IRX2: variants seen among roughly 807,000 people sequenced by gnomAD.
IRX2 encodes iroquois-class homeodomain protein IRX-2.
IRX2 carries 26 observed loss-of-function variants against 42.9 expected under a neutral mutation model. That is an observed-to-expected ratio of 0.61 (90% CI 0.44 to 0.84). The LOEUF is 0.84. Among genes scored for constraint, IRX2 ranks in the 40% least tolerant of loss-of-function variants. The pLI, the probability that IRX2 is intolerant of heterozygous loss-of-function variation, is 0.00. For synonymous variants in IRX2, 424 were observed against 353.9 expected, an observed-to-expected ratio of 1.20 and a Z score of -2.22; for missense variants, 782 against 713.9, an observed-to-expected ratio of 1.10 and a Z score of -1.09.
chr5:2,737,405 T>C, the IRX2 span: 1 of 152,224 alleles, frequency 6.6e-6, no homozygotes, highest in South Asian at 2.1e-4. Context: ...AGGCAGACCC[T>C]GGACATGTTT....
the IRX2 span, among the ~76,000 whole-genome samples, chr5:2,740,180 T>TGG: frequency 4.8e-5 from 6 of 124,316 alleles, no homozygotes; most frequent in South Asian, 2.7e-4. Flanking sequence ...AGTCGTGGCG[T>TGG]GCGGGGGCGG....
Position 2,748,738 on chromosome 5 carries a change from C to CG in IRX2, c.969dup (p.Ala324ArgfsTer188). ...AGCGACCACAGCTTGGGCTTGCTGG[C>CG]GGGGGGCGGCGCGCCCGGAGACGTC... On this transcript the variant is annotated frameshift_variant, in exon 3 of 4. Coordinates refer to ENST00000302057, the MANE Select transcript of IRX2 (RefSeq NM_033267.5). LOFTEE classifies it high-confidence loss of function. The CG allele has an allele frequency of 5.1e-6, 7 of 1,367,298 alleles. No individual in the cohort carries two copies. The highest frequency in any genetic ancestry group is 3.4e-5 in the Admixed American group (1 of 29,078). The allele number at this position is 1,367,298 out of a possible 1,614,324, so 84.7% of individuals were successfully genotyped here.
In IRX2 at chr5:2,749,904, G is replaced by C; in HGVS notation, c.250-117C>G. On this transcript the variant is annotated intron_variant, in intron 1 of 3. Transcript: ENST00000302057. Reference sequence around the variant, plus strand: ...CGTTCCCCCCGTGAGTCTGGCTCTGGGGCTGCGCTTCCCGCCGCAAAAGAG... The same window carrying C: ...CGTTCCCCCCGTGAGTCTGGCTCTGCGGCTGCGCTTCCCGCCGCAAAAGAG... 2.8e-6 allele frequency: 3 copies of C among 1,086,746 alleles called. 1 individual carries two copies. The highest frequency in any genetic ancestry group is 6.2e-4 in the Middle Eastern group (2 of 3,248). The allele number at this position is 1,086,746 out of a possible 1,614,324, so 67.3% of individuals were successfully genotyped here. A position where few individuals can be genotyped will look rare whatever the true frequency, so the allele number is the denominator to read the frequency against.
chr5:2,748,850 C>A lies in IRX2; in HGVS notation c.858G>T (p.Ser286=), dbSNP rs370484590. The A allele has an allele frequency of 5.6e-4, 880 of 1,579,512 alleles. No individual in the cohort carries two copies. The highest frequency in any genetic ancestry group is 7.0e-4 in the Non-Finnish European group (825 of 1,172,552). ...GLAPPKPVTS[S]PLTGLEAPLL... is the part of the protein sequence containing the mutation. ...GCGGCGCCTCCAAGCCGGTAAGCGG[C>A]GACGAGGTCACGGGCTTGGGCGGCG... Residue 286 remains serine, a synonymous_variant, in exon 3 of 4, where the codon TCG becomes TCT. Coordinates refer to ENST00000302057, the MANE Select transcript of IRX2 (RefSeq NM_033267.5).
rs1737659978 is a variant in IRX2, at chr5:2,746,171, T to G, written c.*1393A>C. ...ATAAGCCCCAAACATCATATTATTG[T>G]AGACTAGTCTGTTTTTATTTACAAT... On this transcript the variant is annotated 3_prime_UTR_variant, in exon 4 of 4. Transcript: ENST00000302057. 1 of 152,194 alleles carries G rather than the reference T, an allele frequency of 6.6e-6. No individual in the cohort carries two copies. 9.4% of individuals were successfully genotyped at this position (152,194 alleles called of 1,614,324 possible). A position where few individuals can be genotyped will look rare whatever the true frequency, so the allele number is the denominator to read the frequency against.
chr5:2,751,234 G>C lies in IRX2; in HGVS notation c.180C>G (p.Thr60=). 7.3e-7 allele frequency: 1 copy of C among 1,372,846 alleles called. No individual in the cohort carries two copies. Among genetic ancestry groups the C allele is most frequent in the Non-Finnish European group, 9.4e-7 (1 of 1,063,036 alleles). The allele number at this position is 1,372,846 out of a possible 1,614,324, so 85.0% of individuals were successfully genotyped here. A position where few individuals can be genotyped will look rare whatever the true frequency, so the allele number is the denominator to read the frequency against. ...GSAAFTAQAA[T]GFGSPLQYSA... Reference sequence around the variant, plus strand: ...AGTACTGCAGCGGGCTCCCGAAGCCGGTGGCCGCCTGCGCCGTGAAGGCCG... The same window carrying C: ...AGTACTGCAGCGGGCTCCCGAAGCCCGTGGCCGCCTGCGCCGTGAAGGCCG... Residue 60 remains threonine, a synonymous_variant, in exon 1 of 4, where the codon ACC becomes ACG. Coordinates refer to ENST00000302057, the MANE Select transcript of IRX2 (RefSeq NM_033267.5). This position sits in a 1 kb window ranked among gnomAD's most constrained non-coding sequence, Gnocchi z 4.0.
At chr5:2,742,789 A>G (rs1423077225), downstream of IRX2, among the ~76,000 whole-genome samples, 1 of 152,168 alleles carries the variant, frequency 6.6e-6, no homozygotes, top group Non-Finnish European at 1.5e-5. Context: ...GTGGACCACA[A>G]ATTTGTTTGG....
chr5:2,751,494 G>A lies in IRX2; in HGVS notation c.-81C>T, dbSNP rs1737986816. ...CGCCCTCCATCCACGCCCGGCCGGGGCGCGGCGCGGCGGCGGGCACCCGGA... is the reference window on the plus strand; with the variant it reads ...CGCCCTCCATCCACGCCCGGCCGGGACGCGGCGCGGCGGCGGGCACCCGGA... On this transcript the variant is annotated 5_prime_UTR_variant, in exon 1 of 4. Coordinates refer to ENST00000302057, the MANE Select transcript of IRX2 (RefSeq NM_033267.5). This position sits in a 1 kb window ranked among gnomAD's most constrained non-coding sequence, Gnocchi z 4.0. 1.1e-6 allele frequency: 1 copy of A among 936,184 alleles called. No homozygotes were observed. Among genetic ancestry groups the A allele is most frequent in the Non-Finnish European group, 1.3e-6 (1 of 788,036 alleles). The allele number at this position is 936,184 out of a possible 1,614,324, so 58.0% of individuals were successfully genotyped here. A position where few individuals can be genotyped will look rare whatever the true frequency, so the allele number is the denominator to read the frequency against.
At position 2,748,665 on chromosome 5, in the gene IRX2, C is replaced by T; in HGVS notation, c.1043G>A (p.Gly348Asp). The change falls in exon 3 of 4, where the codon GGC becomes GAC. Residue 348 changes from glycine (G) to aspartate (D), a missense_variant. By Grantham distance (94) the Gly-to-Asp change is moderately conservative (BLOSUM62 -1). Around this residue, in one of 3 missense-constraint regions of IRX2, gnomAD observed 520 missense variants for 437.8 expected, o/e 1.19. Transcript: ENST00000302057. The part of the protein sequence containing the change: ...SDLKQPSLGP[G>D]CGPPGLPAAA... ...CGCGGGCAGCCCCGGTGGCCCGCAG[C>T]CCGGGCCCAGGCTCGGCTGCTTGAG... 2 of 1,385,038 alleles carry T rather than the reference C, an allele frequency of 1.4e-6. No homozygotes were observed. Among genetic ancestry groups the T allele is most frequent in the Non-Finnish European group, 1.9e-6 (2 of 1,071,272 alleles). The allele number at this position is 1,385,038 out of a possible 1,614,324, so 85.8% of individuals were successfully genotyped here.
chr5:2,748,709 G>C lies in IRX2; in HGVS notation c.999C>G (p.Ala333=), dbSNP rs1228543271. ...GCTTGAGGTCCGACGTGGCGATCTCGGCCAGCGACCACAGCTTGGGCTTGC... is the reference window on the plus strand; with the variant it reads ...GCTTGAGGTCCGACGTGGCGATCTCCGCCAGCGACCACAGCTTGGGCTTGC... ...PASKPKLWSL[A]EIATSDLKQP... Residue 333 remains alanine, a synonymous_variant, in exon 3 of 4, where the codon GCC becomes GCG. Coordinates refer to ENST00000302057, the MANE Select transcript of IRX2 (RefSeq NM_033267.5). 5.0e-6 allele frequency: 7 copies of C among 1,400,278 alleles called. No individual in the cohort carries two copies. Among genetic ancestry groups the C allele is most frequent in the Non-Finnish European group, 6.5e-6 (7 of 1,078,322 alleles). The allele number at this position is 1,400,278 out of a possible 1,614,324, so 86.7% of individuals were successfully genotyped here.
the IRX2 span, among the ~76,000 whole-genome samples, chr5:2,740,185 GGGC>G: frequency 1.7e-4 from 26 of 151,860 alleles, no homozygotes; most frequent in African/African-American, 5.6e-4. Context: ...TGGCGTGCGG[GGGC>G]GGGGGTCCTG....
chr5:2,748,934 G>C lies in IRX2; in HGVS notation c.774C>G (p.Asp258Glu). The change falls in exon 3 of 4, where the codon GAC becomes GAG. Residue 258 changes from aspartate (D) to glutamate (E), a missense_variant. By Grantham distance (45) the Asp-to-Glu change is conservative. Transcript: ENST00000302057. Reference protein sequence around the residue: ...PLCESGSECKDKYDDLEDDED... With the variant: ...PLCESGSECKEKYDDLEDDED... ...CGTCGTCCTCCAGGTCGTCATACTT[G>C]TCCTTGCACTCCGAGCCCGATTCGC... is the stretch of plus-strand genomic sequence containing the variant. 1 of 1,597,020 alleles carries C rather than the reference G, an allele frequency of 6.3e-7. No homozygotes were observed. The highest frequency in any genetic ancestry group is 8.5e-7 in the Non-Finnish European group (1 of 1,179,450).
the IRX2 span, among the ~76,000 whole-genome samples, chr5:2,738,323 C>A: frequency 6.6e-6 from 1 of 152,298 alleles, no homozygotes; most frequent in East Asian, 1.9e-4. Flanking sequence ...ATATCTGGGC[C>A]CATTATCATG....
In IRX2 at chr5:2,748,967, G is replaced by A. The variant is rs755699990; in HGVS notation, c.741C>T (p.Asp247=). ...DGEKLPCRAG[D]PLCESGSECK... is the part of the protein sequence containing the mutation. Reference sequence around the variant, plus strand: ...ACTCCGAGCCCGATTCGCACAGGGGGTCCCCGGCGCGGCACGGAAGCTTCT... The same window carrying A: ...ACTCCGAGCCCGATTCGCACAGGGGATCCCCGGCGCGGCACGGAAGCTTCT... The change falls in exon 3 of 4, where the codon GAC becomes GAT. Residue 247 remains aspartate (D), a synonymous_variant. Transcript: ENST00000302057. 1.9e-5 allele frequency: 30 copies of A among 1,597,368 alleles called. No homozygotes were observed. The highest frequency in any genetic ancestry group is 3.3e-5 in the Admixed American group (2 of 59,964).
rs1226054860 is a variant in IRX2, at chr5:2,749,699, T to C, written c.338A>G (p.Asn113Ser). ...GGCGTTCTTGCGGTACGCGGGGTCG[T>C]TGAGCTGGTACGGGTAGGCCGCGCT... ...YGSAAYPYQL[N>S]DPAYRKNATR... The change falls in exon 2 of 4, where the codon AAC becomes AGC. Residue 113 changes from asparagine (N) to serine (S), a missense_variant. Physicochemically the swap from Asn to Ser is conservative, Grantham distance 46 (BLOSUM62 1). Coordinates refer to ENST00000302057, the MANE Select transcript of IRX2 (RefSeq NM_033267.5). 5 of 1,614,122 alleles carry C rather than the reference T, an allele frequency of 3.1e-6. No homozygotes were observed. The highest frequency in any genetic ancestry group is 4.2e-6 in the Non-Finnish European group (5 of 1,180,010).
chr5:2,742,107 G>A (rs75127047), downstream of IRX2, among the ~76,000 whole-genome samples: 535 of 152,286 alleles, frequency 3.5e-3, 3 homozygotes, highest in African/African-American at 0.012. Context: ...CAGAGGTGCC[G>A]GTTGAGGCCA....
chr5:2,743,113 C>A (rs1737578005), downstream of IRX2, among the ~76,000 whole-genome samples: 2 of 152,184 alleles, frequency 1.3e-5, no homozygotes. Flanking sequence ...AGAATGAGAT[C>A]CGCGGCGGCC....
At position 2,748,600 on chromosome 5, in the gene IRX2, A is replaced by G. The variant is rs746612867; in HGVS notation, c.1108T>C (p.Ser370Pro). ...PASTGAPPGGSPYPASPLLGR... is the reference protein window; with the variant it reads ...PASTGAPPGGPPYPASPLLGR... Reference sequence around the variant, plus strand: ...AGCAGCGGCGAGGCAGGGTAGGGCGAGCCTCCTGGCGGTGCCCCGGTTGAG... The same window carrying G: ...AGCAGCGGCGAGGCAGGGTAGGGCGGGCCTCCTGGCGGTGCCCCGGTTGAG... The change falls in exon 3 of 4, where the codon TCG (serine) becomes CCG (proline). Residue 370 changes from serine to proline, a missense_variant. Transcript: ENST00000302057. 6.5e-6 allele frequency: 10 copies of G among 1,543,992 alleles called. No individual in the cohort carries two copies. The South Asian group carries it at 1.2e-4, about 18-fold the overall frequency.
chr5:2,751,595 G>A lies in IRX2; in HGVS notation c.-182C>T. ...CCGGGGCGGCGGCGGGGTGGCGGTGGCGGCGGCAGCAGCGCGGAGCCGGTG... is the reference window on the plus strand; with the variant it reads ...CCGGGGCGGCGGCGGGGTGGCGGTGACGGCGGCAGCAGCGCGGAGCCGGTG... On this transcript the variant is annotated 5_prime_UTR_variant, in exon 1 of 4. Coordinates refer to ENST00000302057, the MANE Select transcript of IRX2 (RefSeq NM_033267.5). The surrounding 1 kb of genome is among the most constrained non-coding windows in gnomAD (Gnocchi z 4.0). The A allele has an allele frequency of 5.2e-6, 1 of 191,834 alleles. No individual in the cohort carries two copies. Among genetic ancestry groups the A allele is most frequent in the Non-Finnish European group, 9.3e-6 (1 of 106,956 alleles). The allele number at this position is 191,834 out of a possible 1,614,324, so 11.9% of individuals were successfully genotyped here.
Sources: allele counts gnomAD v4.1 joint callset (sites outside exome capture counted in the v4.1 genomes callset), GRCh38; gene constraint gnomAD v4.1.1; regional missense constraint gnomAD v4.1.1; non-coding constraint Gnocchi (gnomAD v3.1); transcripts MANE v1.5; gene names NCBI Gene and HGNC (gene_info 2026-07-23, HGNC 2026-07-21).